Variants in LPCAT1 observed in about 807,000 individuals in gnomAD.
The protein encoded by LPCAT1 is lysophosphatidylcholine acyltransferase 1.
Under a neutral mutation model 60.9 loss-of-function variants are expected in LPCAT1, and 23 were observed. The ratio of observed to expected loss-of-function variants is 0.38; its 90% CI spans 0.27 to 0.53. The LOEUF is 0.53. LPCAT1 is among the 20% of genes least tolerant of loss of function. The probability of loss-of-function intolerance (pLI) is 0.82; values close to 1 mark genes in which losing one functional copy is unlikely to be tolerated. For synonymous variants in LPCAT1, 340 were observed against 301.1 expected, an observed-to-expected ratio of 1.13 and a Z score of -1.34; for missense variants, 622 against 723.6, an observed-to-expected ratio of 0.86 and a Z score of 1.61.
chr5:1,501,935 C>T (rs1322555676), intron 1 of LPCAT1, among the ~76,000 whole-genome samples: 2 of 151,784 alleles, frequency 1.3e-5, no homozygotes, highest in Admixed American at 6.6e-5. Context: ...CAACACTGAC[C>T]GACACTGACC....
At chr5:1,492,201 G>A (rs1249838308) in intron 3 of LPCAT1, among the ~76,000 whole-genome samples, 1 of 150,024 alleles carries the variant, frequency 6.7e-6, no homozygotes, top group Non-Finnish European at 1.5e-5. Flanking sequence ...AGCTGGGATG[G>A]GGGAAGATTA....
chr5:1,513,742 C>T (rs1207308194), intron 1 of LPCAT1, among the ~76,000 whole-genome samples: 1 of 149,652 alleles, frequency 6.7e-6, no homozygotes, highest in Non-Finnish European at 1.5e-5. Flanking sequence ...TGGGGCGGGA[C>T]ACCCTGCGAT....
At chr5:1,503,696 G>A (rs544924404) in intron 1 of LPCAT1, among the ~76,000 whole-genome samples, 8 of 152,286 alleles carry the variant, frequency 5.3e-5, no homozygotes, top group South Asian at 4.1e-4. Context: ...GCTCCTGACC[G>A]TTGCTTCACT....
chr5:1,501,745 CAAG>C (rs1736017266), intron 1 of LPCAT1, 142 bp from the exon 2 acceptor site: 2 of 835,860 alleles, frequency 2.4e-6, no homozygotes, highest in South Asian at 3.2e-5. Context: ...CACAGCTGAC[CAAG>C]GCTGACCAGC....
chr5:1,467,762 C>T (rs987676829), intron 12 of LPCAT1, among the ~76,000 whole-genome samples: 1 of 151,854 alleles, frequency 6.6e-6, no homozygotes, highest in African/African-American at 2.4e-5. Flanking sequence ...CTCTGAGGTC[C>T]CGACGCCGCC....
chr5:1,506,513 G>A (rs1443653358), intron 1 of LPCAT1, among the ~76,000 whole-genome samples: 2 of 152,240 alleles, frequency 1.3e-5, no homozygotes, highest in Admixed American at 6.5e-5. Context: ...ACGCCCTGGT[G>A]CAGATGGGTC....
intron 13 of LPCAT1, 22 bp downstream of exon 13, chr5:1,466,727 G>A (rs765070215): frequency 1.9e-6 from 3 of 1,593,942 alleles, no homozygotes; most frequent in East Asian, 2.3e-5. Context: ...TCGCGAGGAC[G>A]ACCCCACTCC....
chr5:1,473,063 TG>T (rs1734752825), intron 11 of LPCAT1, among the ~76,000 whole-genome samples: 1 of 152,146 alleles, frequency 6.6e-6, no homozygotes, highest in African/African-American at 2.4e-5. Context: ...CTGCTCCTCC[TG>T]CTCTCTGGCC....
Position 1,477,445 on chromosome 5 carries a change from G to A in LPCAT1, c.858C>T (p.Asn286=), listed in dbSNP as rs1479738698. 2.5e-6 allele frequency: 4 copies of A among 1,614,034 alleles called. No homozygotes were observed. Among genetic ancestry groups the A allele is most frequent in the African/African-American group, 2.7e-5 (2 of 75,030 alleles). ...VYSPSEEEKR[N]PALYASNVRR... is the part of the protein sequence containing the mutation. ...GCACGTTGCTGGCATACAGCGCGGG[G>A]TTCCTCTTCTCCTCCTCAGAAGGGC... is the stretch of plus-strand genomic sequence containing the variant. The change falls in exon 9 of 14, where the codon AAC becomes AAT. Residue 286 remains asparagine (N), a synonymous_variant. Coordinates refer to ENST00000283415, the MANE Select transcript of LPCAT1 (RefSeq NM_024830.5). The surrounding 1 kb of genome is among the most constrained non-coding windows in gnomAD (Gnocchi z 6.0).
intron 12 of LPCAT1, among the ~76,000 whole-genome samples, chr5:1,468,465 G>A (rs1734531058): frequency 6.6e-6 from 1 of 152,196 alleles, no homozygotes; most frequent in Non-Finnish European, 1.5e-5. Context: ...TGGTTGCAAG[G>A]CTGCTTCAGA....
At chr5:1,473,914 G>A (rs1188195756) in intron 11 of LPCAT1, 43 bp downstream of exon 11, 19 of 1,586,120 alleles carry the variant, frequency 1.2e-5, no homozygotes, top group Non-Finnish European at 1.5e-5. Context: ...TCAAAAAGCA[G>A]GAGGTTTTGC....
intron 1 of LPCAT1, among the ~76,000 whole-genome samples, chr5:1,505,375 T>C (rs1736150727): frequency 6.6e-6 from 1 of 152,078 alleles, no homozygotes; most frequent in Non-Finnish European, 1.5e-5. Context: ...GCAACACTGC[T>C]TCCACCACAG....
intron 6 of LPCAT1, among the ~76,000 whole-genome samples, chr5:1,482,394 C>G (rs1364893275): frequency 8.7e-6 from 1 of 114,428 alleles, no homozygotes; most frequent in Non-Finnish European, 1.7e-5. Flanking sequence ...TGAGGCAGGA[C>G]ATGGGCAGGG....
chr5:1,519,229 G>A (rs1186021863), intron 1 of LPCAT1, among the ~76,000 whole-genome samples: 3 of 152,250 alleles, frequency 2.0e-5, no homozygotes, highest in African/African-American at 4.8e-5. Flanking sequence ...AACTATGTGC[G>A]TGAGCTTCTG....
At chr5:1,518,586 C>T (rs879603981) in intron 1 of LPCAT1, among the ~76,000 whole-genome samples, 2 of 152,204 alleles carry the variant, frequency 1.3e-5, no homozygotes, top group African/African-American at 2.4e-5. Context: ...ATGATCCGCC[C>T]GCCTCGGCCT....
chr5:1,501,836 A>T (rs529842112), intron 1 of LPCAT1, among the ~76,000 whole-genome samples: 1 of 151,592 alleles, frequency 6.6e-6, no homozygotes, highest in South Asian at 2.1e-4. Context: ...AACACTGACC[A>T]GCACTGACCA....
At chr5:1,518,371 G>C (rs1035939760) in intron 1 of LPCAT1, among the ~76,000 whole-genome samples, 2 of 152,148 alleles carry the variant, frequency 1.3e-5, no homozygotes, top group Admixed American at 6.5e-5. Context: ...GACGGAGTCC[G>C]GCTCTGTCGC....
rs571916286 is a variant in LPCAT1 at position 1,481,352 on chromosome 5, G to A, written c.727-376C>T. Among the ~76,000 whole-genome samples, 156 of 152,306 alleles carry A rather than the reference G, an allele frequency of 1.0e-3. 1 individual carries two copies. Among genetic ancestry groups the A allele is most frequent in the African/African-American group, 3.6e-3 (148 of 41,554 alleles). On this transcript the variant is annotated intron_variant, in intron 6 of 13. Coordinates refer to ENST00000283415, the MANE Select transcript of LPCAT1 (RefSeq NM_024830.5). The surrounding 1 kb of genome is among the most constrained non-coding windows in gnomAD (Gnocchi z 7.8). ...CTCTCCGCTTTCCTCACAGACCTGGGGACACCAATTCCAGTGTGCACCCGG... is the reference window on the plus strand; with the variant it reads ...CTCTCCGCTTTCCTCACAGACCTGGAGACACCAATTCCAGTGTGCACCCGG...
chr5:1,504,634 G>A (rs1250514283), intron 1 of LPCAT1, among the ~76,000 whole-genome samples: 1 of 150,382 alleles, frequency 6.6e-6, no homozygotes, highest in South Asian at 2.1e-4. Flanking sequence ...GAATCACTTG[G>A]ACCCGGGAGT....
Sources: allele counts gnomAD v4.1 joint callset (sites outside exome capture counted in the v4.1 genomes callset), GRCh38; gene constraint gnomAD v4.1.1; non-coding constraint Gnocchi (gnomAD v3.1); transcripts MANE v1.5; gene names NCBI Gene and HGNC (gene_info 2026-07-23, HGNC 2026-07-21).